PRKG1: variants seen among roughly 807,000 people sequenced by gnomAD.
The protein encoded by PRKG1 is cGMP-dependent protein kinase 1.
PRKG1 carries 35 observed loss-of-function variants against 88.1 expected under a neutral mutation model. That is an observed-to-expected ratio of 0.40 (90% confidence interval 0.30 to 0.53). The LOEUF (loss-of-function observed/expected upper bound fraction) is 0.53, where lower values mean the gene tolerates loss of function less well. Ranked by LOEUF, PRKG1 falls within the 20% of genes least tolerant of loss-of-function variation. PRKG1 has a pLI of 0.59. For missense variants in PRKG1, 540 were observed against 839.8 expected (o/e 0.64, Z 4.41); for synonymous variants, 303 against 292.5 (o/e 1.04, Z -0.37).
upstream of PRKG1, among the ~76,000 whole-genome samples, chr10:51,071,628 T>A (rs1843827567): frequency 6.6e-6 from 1 of 152,236 alleles, no homozygotes; most frequent in African/African-American, 2.4e-5. Context: ...TAGTTGCATT[T>A]AGATATGCCA....
At chr10:52,190,313 T>A (rs1839330158) in intron 9 of PRKG1, among the ~76,000 whole-genome samples, 1 of 152,132 alleles carries the variant, frequency 6.6e-6, no homozygotes, top group Non-Finnish European at 1.5e-5. Flanking sequence ...ATATGGAAAA[T>A]TCAAATGTAT....
chr10:51,359,877 G>A lies in PRKG1; in HGVS notation c.479-107846G>A, dbSNP rs190021922. Among the ~76,000 whole-genome samples the A allele has an allele frequency of 3.9e-3, 596 of 151,972 alleles. 4 individuals are homozygous for A. The highest frequency in any genetic ancestry group is 0.025 in the Admixed American group (383 of 15,232). ...TCTTTAATGCAGATATGTCAGACTG[G>A]TATTAAATTCTGGGCCAGAGAGCTA... On this transcript the variant is annotated intron_variant, in intron 2 of 17. Transcript: ENST00000373980.
intron 2 of PRKG1, among the ~76,000 whole-genome samples, chr10:51,166,544 G>A (rs1016399122): frequency 6.6e-6 from 1 of 152,096 alleles, no homozygotes; most frequent in Non-Finnish European, 1.5e-5. Context: ...TGGTTTTTCA[G>A]CATCATTTTG....
chr10:51,030,012 A>G (rs114101493), intron 1 of PRKG1, among the ~76,000 whole-genome samples: 2,735 of 152,256 alleles, frequency 0.018, 47 homozygotes, highest in South Asian at 0.04. Context: ...TATTCTTCTG[A>G]TAGAGAAAAT....
intron 5 of PRKG1, among the ~76,000 whole-genome samples, chr10:51,995,209 C>T (rs953343706): frequency 3.3e-5 from 5 of 151,988 alleles, no homozygotes; most frequent in Admixed American, 6.6e-5. Context: ...TTGGGACCAC[C>T]GAAACCATTC....
chr10:51,975,212 A>T (rs958243876), intron 5 of PRKG1, among the ~76,000 whole-genome samples: 3 of 152,094 alleles, frequency 2.0e-5, no homozygotes, highest in Non-Finnish European at 4.4e-5. Flanking sequence ...GATACTAAGT[A>T]ATTTGCCCAG....
intron 7 of PRKG1, among the ~76,000 whole-genome samples, chr10:52,124,574 T>A (rs1048431280): frequency 2.6e-5 from 4 of 152,162 alleles, no homozygotes; most frequent in Non-Finnish European, 5.9e-5. Flanking sequence ...TGTACACCAC[T>A]GTAGACACTA....
intron 3 of PRKG1, among the ~76,000 whole-genome samples, chr10:51,715,574 G>A (rs1841866036): frequency 6.6e-6 from 1 of 152,132 alleles, no homozygotes; most frequent in African/African-American, 2.4e-5. Flanking sequence ...GGAATAGAAG[G>A]TGATTCAACA....
intron 1 of PRKG1, among the ~76,000 whole-genome samples, chr10:51,016,165 G>A (rs573576558): frequency 6.6e-6 from 1 of 152,306 alleles, no homozygotes; most frequent in East Asian, 1.9e-4. Context: ...TGATTGCATT[G>A]CATTTGGCAG....
At chr10:52,052,000 C>T (rs1845998823) in intron 5 of PRKG1, among the ~76,000 whole-genome samples, 1 of 152,170 alleles carries the variant, frequency 6.6e-6, no homozygotes, top group Non-Finnish European at 1.5e-5. Flanking sequence ...TGTCCCAAAG[C>T]TACAACTGTA....
At chr10:51,320,923 T>A (rs1427379566) in intron 2 of PRKG1, among the ~76,000 whole-genome samples, 1 of 152,198 alleles carries the variant, frequency 6.6e-6, no homozygotes, top group Non-Finnish European at 1.5e-5. Context: ...TTGACCCAAA[T>A]TGTTTTATTC....
At chr10:51,273,364 A>T (rs78205198) in intron 2 of PRKG1, among the ~76,000 whole-genome samples, 17 of 148,036 alleles carry the variant, frequency 1.1e-4, no homozygotes, top group African/African-American at 4.0e-4. Flanking sequence ...AAAAAAAAAA[A>T]GGCAAAAATT....
Position 51,312,247 on chromosome 10 carries a change from G to T in PRKG1, c.479-155476G>T, listed in dbSNP as rs539743868. ...TCCTGTGCTCAGGACCTAGCTCTAGGTATTCCCTTATCTTTCTTAGAATAT... is the reference window on the plus strand; with the variant it reads ...TCCTGTGCTCAGGACCTAGCTCTAGTTATTCCCTTATCTTTCTTAGAATAT... On this transcript the variant is annotated intron_variant, in intron 2 of 17. Coordinates refer to ENST00000373980, the MANE Select transcript of PRKG1 (RefSeq NM_006258.4). Among the ~76,000 whole-genome samples, 7 of 152,176 alleles carry T rather than the reference G, an allele frequency of 4.6e-5. No homozygotes were observed. The South Asian group carries it at 1.5e-3, about 32-fold the overall frequency.
chr10:52,206,307 T>C (rs892740148), intron 9 of PRKG1, among the ~76,000 whole-genome samples: 3 of 152,174 alleles, frequency 2.0e-5, no homozygotes, highest in Middle Eastern at 6.3e-3. Context: ...TCAGCTCCTA[T>C]ATTGTTTTAT....
intron 1 of PRKG1, among the ~76,000 whole-genome samples, chr10:51,131,868 A>G (rs1289833625): frequency 6.6e-6 from 1 of 151,620 alleles, no homozygotes; most frequent in East Asian, 1.9e-4. Context: ...ATCCATTTGC[A>G]TTTTTTGGAG....
chr10:51,368,238 A>C (rs1842629654), intron 2 of PRKG1, among the ~76,000 whole-genome samples: 1 of 151,998 alleles, frequency 6.6e-6, no homozygotes. Flanking sequence ...TGTTATTTGA[A>C]AAGCATGCAG....
At chr10:51,425,500 C>T (rs1407548238) in intron 2 of PRKG1, among the ~76,000 whole-genome samples, 1 of 152,202 alleles carries the variant, frequency 6.6e-6, no homozygotes, top group African/African-American at 2.4e-5. Flanking sequence ...GATAAGAGCA[C>T]TCCAGCAACA....
chr10:52,188,209 T>C (rs1436060651), intron 9 of PRKG1, among the ~76,000 whole-genome samples: 3 of 58,552 alleles, frequency 5.1e-5, no homozygotes, highest in African/African-American at 1.8e-4. Flanking sequence ...TGTATATATA[T>C]ATGTGTATAT....
chr10:52,014,337 C>T (rs1003671466), intron 5 of PRKG1, among the ~76,000 whole-genome samples: 20 of 152,044 alleles, frequency 1.3e-4, no homozygotes, highest in African/African-American at 4.3e-4. Flanking sequence ...AGAGAGAAGG[C>T]ATGGGGGAAG....
Sources: gnomAD v4.1 joint callset for allele counts (sites outside exome capture counted in the v4.1 genomes callset) on GRCh38, gnomAD v4.1.1 for gene constraint, MANE v1.5 for transcripts, NCBI Gene and HGNC (gene_info 2026-07-23, HGNC 2026-07-21) for gene names.